The following BACE2 variants were observed in gnomAD, a reference collection of about 807,000 sequenced individuals.
BACE2 encodes 56 kDa aspartic-like protease.
Under a neutral mutation model 46.2 loss-of-function variants are expected in BACE2, and 17 were observed. The ratio of observed to expected loss-of-function variants is 0.37; its 90% CI spans 0.25 to 0.55. The LOEUF (loss-of-function observed/expected upper bound fraction) is 0.55, where lower values mean the gene tolerates loss of function less well. Among genes scored for constraint, BACE2 ranks in the 20% least tolerant of loss-of-function variants. The pLI is 0.82. For missense variants in BACE2, 595 were observed against 698.1 expected (o/e 0.85, Z 1.66); for synonymous variants, 277 against 295.9 (o/e 0.94, Z 0.66).
intron 4 of BACE2, among the ~76,000 whole-genome samples, chr21:41,242,666 C>A (rs1193736408): frequency 6.6e-6 from 1 of 152,144 alleles, no homozygotes; most frequent in African/African-American, 2.4e-5. Context: ...AAGCTTTGAT[C>A]AGGGAAGTGC....
At chr21:41,187,954 C>T (rs556784843) in intron 1 of BACE2, among the ~76,000 whole-genome samples, 146 of 152,316 alleles carry the variant, frequency 9.6e-4, no homozygotes, top group Middle Eastern at 3.4e-3. Flanking sequence ...GAATTTACTA[C>T]GTAGTAGTTC....
chr21:41,268,338 T>A (rs1300359250), intron 8 of BACE2, among the ~76,000 whole-genome samples: 7 of 152,220 alleles, frequency 4.6e-5, no homozygotes, highest in Admixed American at 4.6e-4. Context: ...CTGCATACAA[T>A]GGCCTCTCAT....
At chr21:41,192,085 C>T (rs899519050) in intron 1 of BACE2, among the ~76,000 whole-genome samples, 1 of 152,230 alleles carries the variant, frequency 6.6e-6, no homozygotes, top group East Asian at 1.9e-4. Flanking sequence ...GCTCGAAGTT[C>T]TGCCCACTGG....
intron 6 of BACE2, among the ~76,000 whole-genome samples, chr21:41,246,468 A>G (rs1221425157): frequency 1.3e-5 from 2 of 152,208 alleles, no homozygotes; most frequent in Non-Finnish European, 2.9e-5. Context: ...TAGAGTAAAC[A>G]ATAAATCGAG....
At chr21:41,176,318 C>T (rs577306326) in intron 1 of BACE2, 3 of 152,304 alleles carry the variant, frequency 2.0e-5, no homozygotes, top group African/African-American at 7.2e-5. Context: ...GGAGTCGTTG[C>T]TTCTTTCCCC....
intron 6 of BACE2, among the ~76,000 whole-genome samples, chr21:41,247,003 G>A (rs1186783097): frequency 6.6e-6 from 1 of 152,170 alleles, no homozygotes; most frequent in Admixed American, 6.5e-5. Flanking sequence ...CTGCCTGAGT[G>A]TTCTCATAGC....
At chr21:41,275,208 GC>G (rs1375504789) in intron 8 of BACE2, among the ~76,000 whole-genome samples, 162 bp from the exon 9 acceptor site, 1 of 152,122 alleles carries the variant, frequency 6.6e-6, no homozygotes, top group African/African-American at 2.4e-5. Flanking sequence ...CCAAAGGCAC[GC>G]TGAGCCGTGA....
chr21:41,243,016 C>T (rs368552895), intron 4 of BACE2, among the ~76,000 whole-genome samples: 16 of 152,172 alleles, frequency 1.1e-4, no homozygotes, highest in African/African-American at 1.7e-4. Context: ...CCTGTTCAAG[C>T]GATTCTCCTG....
intron 1 of BACE2, among the ~76,000 whole-genome samples, chr21:41,221,753 A>G (rs934323732): frequency 8.0e-5 from 12 of 150,134 alleles, no homozygotes; most frequent in Non-Finnish European, 3.0e-5. Flanking sequence ...GCGTGAGCCC[A>G]GGAGGAGGAG....
At chr21:41,168,640 ACGCCTC>A in intron 1 of BACE2, 65 bp downstream of exon 1, 1 of 1,163,642 alleles carries the variant, frequency 8.6e-7, no homozygotes, top group Non-Finnish European at 1.1e-6. Context: ...CTGTCCAGAG[ACGCCTC>A]CACGCGGCTT....
At chr21:41,226,167 T>G in intron 1 of BACE2, 99 bp from the exon 2 acceptor site, 1 of 892,120 alleles carries the variant, frequency 1.1e-6, no homozygotes, top group South Asian at 1.6e-5. Flanking sequence ...ACTGATAAAT[T>G]ATTCTTGCTA....
At chr21:41,168,749 T>TG in intron 1 of BACE2, among the ~76,000 whole-genome samples, 174 bp downstream of exon 1, 1 of 151,986 alleles carries the variant, frequency 6.6e-6, no homozygotes, top group Middle Eastern at 3.4e-3. Context: ...CGCTCGCTCT[T>TG]GAGTCGCGGA....
intron 1 of BACE2, chr21:41,181,260 A>C (rs1479813819): frequency 6.0e-6 from 1 of 167,108 alleles, no homozygotes; most frequent in Non-Finnish European, 1.5e-5. Context: ...TCATAGTCAC[A>C]AACAAAAATG....
intron 1 of BACE2, among the ~76,000 whole-genome samples, chr21:41,174,970 G>A (rs142599378): frequency 2.6e-5 from 4 of 152,128 alleles, no homozygotes; most frequent in Admixed American, 6.5e-5. Context: ...ACATGTTTCT[G>A]GTGGAACCTG....
intron 2 of BACE2, among the ~76,000 whole-genome samples, chr21:41,227,542 C>G (rs1000955245): frequency 6.6e-6 from 1 of 152,210 alleles, no homozygotes; most frequent in Non-Finnish European, 1.5e-5. Context: ...ACCTACACCA[C>G]ATCCTGGGCT....
chr21:41,208,115 G>A (rs1273059089), intron 1 of BACE2, among the ~76,000 whole-genome samples: 1 of 152,216 alleles, frequency 6.6e-6, no homozygotes, highest in Non-Finnish European at 1.5e-5. Flanking sequence ...CAGAGCCTTA[G>A]GATGTTAAGT....
intron 7 of BACE2, among the ~76,000 whole-genome samples, chr21:41,254,887 ACT>A (rs1295810624): frequency 1.3e-5 from 2 of 151,954 alleles, no homozygotes; most frequent in African/African-American, 4.8e-5. Flanking sequence ...TACTTTTAAA[ACT>A]CTGTCTGCCC....
At chr21:41,179,720 A>G in intron 1 of BACE2, 1 of 1,203,596 alleles carries the variant, frequency 8.3e-7, no homozygotes, top group Non-Finnish European at 1.1e-6. Context: ...CTTACAGGCA[A>G]TTAAAAAGGA....
At chr21:41,257,393 A>G in intron 8 of BACE2, 67 bp downstream of exon 8, 1 of 1,549,440 alleles carries the variant, frequency 6.5e-7, no homozygotes, top group Non-Finnish European at 8.8e-7. Context: ...GCTGACTTGG[A>G]AGCAATTCTT....
Sources: gnomAD v4.1 joint callset for allele counts (sites outside exome capture counted in the v4.1 genomes callset) on GRCh38, gnomAD v4.1.1 for gene constraint, MANE v1.5 for transcripts, NCBI Gene and HGNC (gene_info 2026-07-23, HGNC 2026-07-21) for gene names.